The following ANKRD45 variants were observed in gnomAD, a reference collection of about 807,000 sequenced individuals.
The protein encoded by ANKRD45 is ankyrin repeat domain-containing protein 45.
Under a neutral mutation model 28.1 loss-of-function variants are expected in ANKRD45, and 21 were observed. That is an observed-to-expected ratio of 0.75 (90% CI 0.53 to 1.08). The LOEUF is 1.08. ANKRD45 is among the 50% of genes least tolerant of loss of function. The pLI, the probability that ANKRD45 is intolerant of heterozygous loss-of-function variation, is 0.00. For synonymous variants in ANKRD45, 86 were observed against 103.9 expected (o/e 0.83, Z 1.05); for missense variants, 261 against 308.7 (o/e 0.85, Z 1.16).
intron 5 of ANKRD45, among the ~76,000 whole-genome samples, chr1:173,617,713 G>C (rs1287481898): frequency 6.6e-6 from 1 of 152,220 alleles, no homozygotes; most frequent in Non-Finnish European, 1.5e-5. Context: ...TGGCTCCGGA[G>C]AGTCCAGGCA....
chr1:173,685,732 G>A, the ANKRD45 span, among the ~76,000 whole-genome samples: 10 of 152,010 alleles, frequency 6.6e-5, no homozygotes, highest in Non-Finnish European at 1.5e-4. Flanking sequence ...GCAGGGGGTG[G>A]GGGATCAAAT....
At chr1:173,620,149 T>C (rs1667638279) in intron 5 of ANKRD45, among the ~76,000 whole-genome samples, 2 of 152,186 alleles carry the variant, frequency 1.3e-5, no homozygotes, top group Non-Finnish European at 2.9e-5. Flanking sequence ...CAACAGAATA[T>C]ACGTTCTTCT....
intron 2 of ANKRD45, among the ~76,000 whole-genome samples, chr1:173,652,872 G>C (rs1162368776): frequency 3.9e-5 from 6 of 152,176 alleles, no homozygotes; most frequent in African/African-American, 1.4e-4. Context: ...AGATTTTCTA[G>C]TTTATTTGTG....
At chr1:173,689,360 T>C in the ANKRD45 span, among the ~76,000 whole-genome samples, 1 of 152,166 alleles carries the variant, frequency 6.6e-6, no homozygotes, top group Admixed American at 6.5e-5. Flanking sequence ...GGAAGCTCTG[T>C]CTAGACGTAC....
upstream of ANKRD45, among the ~76,000 whole-genome samples, chr1:173,673,780 A>G (rs1670333640): frequency 6.6e-6 from 1 of 152,188 alleles, no homozygotes; most frequent in Non-Finnish European, 1.5e-5. Flanking sequence ...ATTAAATATT[A>G]GAGAAAATCT....
intron 1 of ANKRD45, among the ~76,000 whole-genome samples, chr1:173,666,357 A>G (rs1397945639): frequency 6.6e-6 from 1 of 152,132 alleles, no homozygotes; most frequent in Non-Finnish European, 1.5e-5. Flanking sequence ...AAATTATTCT[A>G]TATTTATTCA....
At chr1:173,674,305 C>T (rs1185634919), upstream of ANKRD45, among the ~76,000 whole-genome samples, 2 of 152,038 alleles carry the variant, frequency 1.3e-5, no homozygotes, top group Admixed American at 1.3e-4. Flanking sequence ...CGAGCCACTG[C>T]ACTCGGCCCA....
chr1:173,613,198 C>T (rs1182306672), intron 5 of ANKRD45, among the ~76,000 whole-genome samples: 1 of 152,012 alleles, frequency 6.6e-6, no homozygotes, highest in African/African-American at 2.4e-5. Flanking sequence ...CACCTCTTCC[C>T]CGCCACCCCG....
the ANKRD45 span, among the ~76,000 whole-genome samples, chr1:173,688,547 C>CCTCTCTGCCTCTTCCTCT: frequency 2.3e-4 from 19 of 81,132 alleles, 1 homozygote; most frequent in African/African-American, 1.1e-3. Flanking sequence ...CCTCTCTCTC[C>CCTCTCTGCCTCTTCCTCT]CTCTCTGCCT....
chr1:173,627,060 A>G lies in ANKRD45; in HGVS notation c.591+5T>C, dbSNP rs1424614278. The G allele has an allele frequency of 6.3e-7, 1 of 1,587,902 alleles. No individual in the cohort carries two copies. Among genetic ancestry groups the G allele is most frequent in the African/African-American group, 1.4e-5 (1 of 72,984 alleles). On this transcript the variant is annotated splice_donor_5th_base_variant and intron_variant, in intron 4 of 5. Coordinates refer to ENST00000333279, the MANE Select transcript of ANKRD45 (RefSeq NM_198493.3). Reference sequence around the variant, plus strand: ...ACAGAACAAGCAATAATCACAATACAGTACCTTGTCTTCCTTAAGGAGTTT... The same window carrying G: ...ACAGAACAAGCAATAATCACAATACGGTACCTTGTCTTCCTTAAGGAGTTT...
chr1:173,661,789 C>A (rs902601253), intron 1 of ANKRD45, among the ~76,000 whole-genome samples: 12 of 152,018 alleles, frequency 7.9e-5, no homozygotes, highest in African/African-American at 2.9e-4. Context: ...GGAAAGATCC[C>A]TCCTATCATG....
chr1:173,711,353 C>A, the ANKRD45 span, among the ~76,000 whole-genome samples: 1 of 152,146 alleles, frequency 6.6e-6, no homozygotes, highest in African/African-American at 2.4e-5. Context: ...TTTAGGGAGA[C>A]ATGAAACATC....
the ANKRD45 span, among the ~76,000 whole-genome samples, chr1:173,684,963 G>A: frequency 6.6e-6 from 1 of 152,176 alleles, no homozygotes; most frequent in African/African-American, 2.4e-5. Flanking sequence ...GCTTTAAATT[G>A]ATCTGGTATT....
At chr1:173,619,187 T>C (rs1195286345) in intron 5 of ANKRD45, among the ~76,000 whole-genome samples, 3 of 152,094 alleles carry the variant, frequency 2.0e-5, no homozygotes, top group Admixed American at 2.0e-4. Flanking sequence ...AAAAATAAAC[T>C]GAAGTACACA....
chr1:173,666,606 A>G (rs1010411603), intron 1 of ANKRD45, among the ~76,000 whole-genome samples: 2 of 152,198 alleles, frequency 1.3e-5, no homozygotes, highest in Non-Finnish European at 2.9e-5. Context: ...GACAAGAGAA[A>G]AAGTCTGTAT....
the ANKRD45 span, among the ~76,000 whole-genome samples, chr1:173,688,306 TTCTG>T: frequency 2.6e-5 from 4 of 151,778 alleles, no homozygotes; most frequent in East Asian, 3.9e-4. Flanking sequence ...CTCTCTGACT[TTCTG>T]TCTCTCTTTC....
intron 5 of ANKRD45, among the ~76,000 whole-genome samples, chr1:173,611,161 T>C (rs1467233222): frequency 1.3e-5 from 2 of 152,212 alleles, no homozygotes; most frequent in East Asian, 1.9e-4. Flanking sequence ...CACTTCCTTA[T>C]TCCCCACATT....
intron 3 of ANKRD45, among the ~76,000 whole-genome samples, chr1:173,639,738 G>A (rs1396334411): frequency 1.3e-5 from 2 of 152,176 alleles, no homozygotes; most frequent in Admixed American, 1.3e-4. Flanking sequence ...GACTCCAATC[G>A]TTTGCCTCAA....
the ANKRD45 span, chr1:173,714,793 C>T: frequency 6.6e-6 from 1 of 152,216 alleles, no homozygotes; most frequent in African/African-American, 2.4e-5. Context: ...ATACAAGGAA[C>T]CCCCACGAGG....
Sources: gnomAD v4.1 joint callset for allele counts (sites outside exome capture counted in the v4.1 genomes callset) on GRCh38, gnomAD v4.1.1 for gene constraint, MANE v1.5 for transcripts, NCBI Gene and HGNC (gene_info 2026-07-23, HGNC 2026-07-21) for gene names.